Variants in RGL1 observed in about 807,000 individuals in gnomAD.
RGL1 encodes ral guanine nucleotide dissociation stimulator-like 1.
In RGL1, 24 loss-of-function variants were observed where a neutral mutation model predicts 95.2. The ratio of observed to expected loss-of-function variants is 0.25; its 90% CI spans 0.18 to 0.35. The LOEUF (loss-of-function observed/expected upper bound fraction) is 0.35. Ranked by LOEUF, RGL1 falls within the 10% of genes least tolerant of loss-of-function variation. The pLI is 1.00. For synonymous variants in RGL1, 329 were observed against 344.9 expected (o/e 0.95, Z 0.51); for missense variants, 715 against 936.3 (o/e 0.76, Z 3.08).
chr1:183,641,650 G>A (rs1303772996), intron 1 of RGL1, among the ~76,000 whole-genome samples: 1 of 152,144 alleles, frequency 6.6e-6, no homozygotes, highest in Non-Finnish European at 1.5e-5. Context: ...TTTGATATTA[G>A]TGTTAGTCTA....
intron 2 of RGL1, among the ~76,000 whole-genome samples, chr1:183,843,409 G>GA (rs1389842145): frequency 3.9e-5 from 6 of 152,192 alleles, no homozygotes; most frequent in Admixed American, 1.3e-4. Context: ...TTCCGAGTAA[G>GA]AAAGTACTGA....
At chr1:183,868,656 G>A (rs1665979271) in intron 4 of RGL1, among the ~76,000 whole-genome samples, 1 of 152,154 alleles carries the variant, frequency 6.6e-6, no homozygotes, top group African/African-American at 2.4e-5. Flanking sequence ...TGGACATTTT[G>A]GAGCATATAC....
intron 2 of RGL1, among the ~76,000 whole-genome samples, chr1:183,842,009 A>G (rs936376754): frequency 1.3e-5 from 2 of 152,144 alleles, no homozygotes; most frequent in African/African-American, 4.8e-5. Context: ...GAGATAAAAG[A>G]TCCTCAGCCT....
rs188135232 is a variant in RGL1, at chr1:183,829,052, C to T, written c.139-18514C>T. 9.1e-4 allele frequency among the ~76,000 whole-genome samples: 138 copies of T among 152,188 alleles called. 1 individual carries two copies. The highest frequency in any genetic ancestry group is 3.1e-3 in the African/African-American group (130 of 41,506). ...AATCATCAATGCTTGTTATAATAAC[C>T]GGGATTGAATGCACCTTCTTCAGTT... On this transcript the variant is annotated intron_variant, in intron 2 of 17. Transcript: ENST00000360851.
At chr1:183,869,978 G>C (rs904751414) in intron 4 of RGL1, among the ~76,000 whole-genome samples, 6 of 152,162 alleles carry the variant, frequency 3.9e-5, no homozygotes, top group South Asian at 2.1e-4. Context: ...TCAACTTGGT[G>C]GGGGGAGGCT....
chr1:183,673,860 G>T (rs939668125), intron 1 of RGL1, among the ~76,000 whole-genome samples: 2 of 152,144 alleles, frequency 1.3e-5, no homozygotes, highest in African/African-American at 2.4e-5. Context: ...GGGTTTGCAA[G>T]TGTCTATCTG....
At chr1:183,756,999 C>T (rs1348695559) in intron 2 of RGL1, among the ~76,000 whole-genome samples, 2 of 147,840 alleles carry the variant, frequency 1.4e-5, no homozygotes, top group Non-Finnish European at 3.0e-5. Flanking sequence ...CATTGGATAA[C>T]ACTTAGTTGG....
At chr1:183,720,839 T>C (rs1572329806) in intron 1 of RGL1, among the ~76,000 whole-genome samples, 1 of 152,306 alleles carries the variant, frequency 6.6e-6, no homozygotes, top group Non-Finnish European at 1.5e-5. Context: ...TTAGGAGATA[T>C]GTTTTGATGA....
chr1:183,795,565 C>G (rs746485659), intron 2 of RGL1, among the ~76,000 whole-genome samples: 2 of 152,228 alleles, frequency 1.3e-5, no homozygotes, highest in Non-Finnish European at 2.9e-5. Flanking sequence ...GTGGCTGGAG[C>G]CCAGAGAGCA....
At chr1:183,921,758 A>T (rs538502833) in intron 16 of RGL1, among the ~76,000 whole-genome samples, 57 of 152,334 alleles carry the variant, frequency 3.7e-4, no homozygotes, top group African/African-American at 1.4e-3. Flanking sequence ...GGACTGCTGA[A>T]TCACAGGGTC....
At position 183,805,139 on chromosome 1, in the gene RGL1, C is replaced by G. The variant is rs911435216; in HGVS notation, c.-159C>G. The G allele has an allele frequency of 2.1e-5, 20 of 970,662 alleles. No homozygotes were observed. In the African/African-American group the frequency reaches 2.6e-4, roughly 13 times the overall value. The allele number at this position is 970,662 out of a possible 1,614,324, so 60.1% of individuals were successfully genotyped here. ...CCCTTTGTGGCCCGAGTCGCGCGCA[C>G]CGGCGGCGGCGGGGGCAGCGCGGCG... On this transcript the variant is annotated 5_prime_UTR_variant, in exon 1 of 18. Transcript: ENST00000360851.
At chr1:183,705,460 AG>A (rs1654855658) in intron 1 of RGL1, among the ~76,000 whole-genome samples, 1 of 108,776 alleles carries the variant, frequency 9.2e-6, no homozygotes. Flanking sequence ...ACTGAAGGAG[AG>A]TGGATGGTTT....
At position 183,703,209 on chromosome 1, in the gene RGL1, G is replaced by A. The variant is rs147126065; in HGVS notation, c.-32-38917G>A. On this transcript the variant is annotated intron_variant, in intron 1 of 18. Coordinates refer to the RGL1 transcript ENST00000304685. Reference sequence around the variant, plus strand: ...TTTGGTTATAGAAAAAGGGAAAAGCGACGACTTTCTCAATAACTACTTCAA... The same window carrying A: ...TTTGGTTATAGAAAAAGGGAAAAGCAACGACTTTCTCAATAACTACTTCAA... 4.2e-4 allele frequency among the ~76,000 whole-genome samples: 64 copies of A among 152,300 alleles called. 1 individual carries two copies. The highest frequency in any genetic ancestry group is 1.4e-3 in the African/African-American group (57 of 41,564).
chr1:183,840,017 C>T (rs947634724), intron 2 of RGL1, among the ~76,000 whole-genome samples: 1 of 152,188 alleles, frequency 6.6e-6, no homozygotes, highest in Non-Finnish European at 1.5e-5. Context: ...GAAGAATGGA[C>T]AGCCATGTGG....
At chr1:183,722,264 T>C (rs1247824663) in intron 1 of RGL1, among the ~76,000 whole-genome samples, 2 of 147,646 alleles carry the variant, frequency 1.4e-5, no homozygotes, top group Admixed American at 1.4e-4. Context: ...CTTGAAGGCA[T>C]AGCAATAGAA....
chr1:183,692,893 G>A (rs1654032084), intron 1 of RGL1, among the ~76,000 whole-genome samples: 1 of 152,010 alleles, frequency 6.6e-6, no homozygotes, highest in Non-Finnish European at 1.5e-5. Flanking sequence ...TGCCCCAAAA[G>A]TCCATTTAAC....
chr1:183,899,752 G>A (rs987313893), intron 10 of RGL1, among the ~76,000 whole-genome samples: 1 of 152,134 alleles, frequency 6.6e-6, no homozygotes, highest in Admixed American at 6.5e-5. Flanking sequence ...CCATGCTTTT[G>A]TGGTACATAC....
chr1:183,884,445 A>T (rs1667001823), intron 6 of RGL1, among the ~76,000 whole-genome samples: 1 of 152,096 alleles, frequency 6.6e-6, no homozygotes, highest in Non-Finnish European at 1.5e-5. Flanking sequence ...ATACAAGAGG[A>T]CTGTGAGGAG....
intron 2 of RGL1, among the ~76,000 whole-genome samples, chr1:183,845,820 A>G (rs1281454551): frequency 6.6e-6 from 1 of 152,206 alleles, no homozygotes; most frequent in Non-Finnish European, 1.5e-5. Flanking sequence ...CAACTGGCTC[A>G]CACAAATTCT....
Sources: gnomAD v4.1 joint callset for allele counts (sites outside exome capture counted in the v4.1 genomes callset) on GRCh38, gnomAD v4.1.1 for gene constraint, MANE v1.5 for transcripts, NCBI Gene and HGNC (gene_info 2026-07-23, HGNC 2026-07-21) for gene names.